The following RANBP17 variants were observed in gnomAD, a reference collection of about 807,000 sequenced individuals.
RANBP17 encodes ran-binding protein 17.
Under a neutral mutation model 141.2 loss-of-function variants are expected in RANBP17, and 158 were observed. The ratio of observed to expected loss-of-function variants is 1.12; its 90% confidence interval spans 0.98 to 1.28. The LOEUF is 1.28. RANBP17 is among the 50% of genes most tolerant of loss of function. The pLI, the probability that RANBP17 is intolerant of heterozygous loss-of-function variation, is 0.00. For synonymous variants in RANBP17, 430 were observed against 450.0 expected (o/e 0.96, Z 0.56); for missense variants, 1,438 against 1,290.7 (o/e 1.11, Z -1.75).
intron 14 of RANBP17, among the ~76,000 whole-genome samples, chr5:170,987,200 G>A (rs1170242602): frequency 6.6e-6 from 1 of 151,624 alleles, no homozygotes; most frequent in Non-Finnish European, 1.5e-5. Context: ...TAGGGGAAAG[G>A]CACCTGTGAC....
At chr5:171,070,486 C>A (rs1276263389) in intron 14 of RANBP17, among the ~76,000 whole-genome samples, 4 of 152,048 alleles carry the variant, frequency 2.6e-5, no homozygotes, top group African/African-American at 9.7e-5. Flanking sequence ...GATCAAAGAT[C>A]ATTTTGAGAA....
chr5:170,872,741 G>A (rs2127328692), intron 1 of RANBP17, among the ~76,000 whole-genome samples: 1 of 152,172 alleles, frequency 6.6e-6, no homozygotes, highest in East Asian at 1.9e-4. Flanking sequence ...TTTTCTTGAA[G>A]GCATTTTCTG....
chr5:171,066,738 G>A (rs940437740), intron 14 of RANBP17, among the ~76,000 whole-genome samples: 1 of 152,076 alleles, frequency 6.6e-6, no homozygotes, highest in East Asian at 1.9e-4. Context: ...TTTTTGAGGA[G>A]CCTCCATATT....
intron 18 of RANBP17, among the ~76,000 whole-genome samples, chr5:171,195,583 A>G (rs1761931359): frequency 6.6e-6 from 1 of 152,198 alleles, no homozygotes; most frequent in African/African-American, 2.4e-5. Context: ...CCTCACCAGA[A>G]CCAAGCTGGC....
chr5:171,046,225 A>G (rs767255385), intron 14 of RANBP17, among the ~76,000 whole-genome samples: 31 of 90,754 alleles, frequency 3.4e-4, no homozygotes, highest in Middle Eastern at 6.8e-3. Context: ...TTTTTTTTTG[A>G]GCTGGAGTCT....
At chr5:170,951,558 A>T (rs548859523) in intron 12 of RANBP17, among the ~76,000 whole-genome samples, 1 of 152,262 alleles carries the variant, frequency 6.6e-6, no homozygotes, top group African/African-American at 2.4e-5. Flanking sequence ...AATGAGACAT[A>T]AAGTAGCTTA....
intron 22 of RANBP17, among the ~76,000 whole-genome samples, chr5:171,232,722 A>G (rs1764278741): frequency 6.6e-6 from 1 of 152,146 alleles, no homozygotes; most frequent in African/African-American, 2.4e-5. Context: ...CCCAAAAGTG[A>G]TATCATAATA....
chr5:171,118,016 C>T (rs1171996334), intron 14 of RANBP17, among the ~76,000 whole-genome samples: 1 of 151,962 alleles, frequency 6.6e-6, no homozygotes, highest in Non-Finnish European at 1.5e-5. Context: ...GATATAATCC[C>T]ATTTATTTAC....
chr5:171,093,768 A>C lies in RANBP17; in HGVS notation c.1711-76362A>C, dbSNP rs561834553. Among the ~76,000 whole-genome samples the C allele has an allele frequency of 4.8e-4, 73 of 152,328 alleles. 1 individual carries two copies. In the South Asian group the frequency reaches 9.3e-3, roughly 19 times the overall value. ...GTAATCCTTTATCTGCATCAGTCTA[A>C]TTTAGTGCTTTGGGCAATAGAGTAA... is the stretch of plus-strand genomic sequence containing the variant. On this transcript the variant is annotated intron_variant, in intron 14 of 27. Coordinates refer to ENST00000523189, the MANE Select transcript of RANBP17 (RefSeq NM_022897.5).
chr5:171,004,184 T>A (rs1255942794), intron 14 of RANBP17, among the ~76,000 whole-genome samples: 1 of 151,952 alleles, frequency 6.6e-6, no homozygotes, highest in Non-Finnish European at 1.5e-5. Context: ...GGGATAGTAA[T>A]GGGCGTGTGA....
intron 14 of RANBP17, among the ~76,000 whole-genome samples, chr5:171,089,255 C>T (rs1422589280): frequency 8.8e-5 from 9 of 102,350 alleles, no homozygotes; most frequent in Non-Finnish European, 1.6e-4. Flanking sequence ...GGGGGGGCCT[C>T]CCAGTTAGGC....
chr5:170,881,766 T>C, intron 2 of RANBP17, 40 bp from the exon 3 acceptor site: 1 of 1,358,364 alleles, frequency 7.4e-7, no homozygotes, highest in Non-Finnish European at 1.0e-6. Flanking sequence ...TTTATTTTAA[T>C]TTCATTTATG....
At chr5:171,237,397 C>T (rs1294709090) in intron 22 of RANBP17, among the ~76,000 whole-genome samples, 2 of 152,176 alleles carry the variant, frequency 1.3e-5, no homozygotes, top group Admixed American at 1.3e-4. Context: ...ACAGCAAGTA[C>T]AAGAGTAAGA....
intron 11 of RANBP17, among the ~76,000 whole-genome samples, chr5:170,920,895 T>C (rs1377717395): frequency 6.6e-6 from 1 of 152,238 alleles, no homozygotes; most frequent in Non-Finnish European, 1.5e-5. Flanking sequence ...ATGTCTTCTT[T>C]TGAGAAGTAT....
At chr5:171,163,077 T>A (rs1759459303) in intron 14 of RANBP17, among the ~76,000 whole-genome samples, 1 of 152,248 alleles carries the variant, frequency 6.6e-6, no homozygotes, top group African/African-American at 2.4e-5. Flanking sequence ...ATGCTGTTCC[T>A]TATTCAACTG....
At chr5:171,017,913 C>A (rs1314422436) in intron 14 of RANBP17, among the ~76,000 whole-genome samples, 1 of 151,938 alleles carries the variant, frequency 6.6e-6, no homozygotes, top group Non-Finnish European at 1.5e-5. Context: ...TTTAATCCAT[C>A]TTGAGTTAAT....
intron 14 of RANBP17, among the ~76,000 whole-genome samples, chr5:171,024,078 A>G (rs562332127): frequency 6.6e-6 from 1 of 152,320 alleles, no homozygotes; most frequent in Non-Finnish European, 1.5e-5. Context: ...TAGATGCTAG[A>G]ATTATAAAAA....
intron 5 of RANBP17, among the ~76,000 whole-genome samples, chr5:170,898,561 T>G (rs1770338713): frequency 6.6e-6 from 1 of 152,252 alleles, no homozygotes; most frequent in Non-Finnish European, 1.5e-5. Flanking sequence ...TTGGCTTTTG[T>G]TGCCATTGCT....
Position 170,953,462 on chromosome 5 carries a change from T to C in RANBP17, c.1469-135T>C, listed in dbSNP as rs555898424. The C allele has an allele frequency of 7.8e-5, 47 of 603,442 alleles. No individual in the cohort carries two copies. In the African/African-American group the frequency reaches 7.9e-4, roughly 10 times the overall value. 37.4% of individuals were successfully genotyped at this position (603,442 alleles called of 1,614,324 possible). A position where few individuals can be genotyped will look rare whatever the true frequency, so the allele number is the denominator to read the frequency against. ...AAACTTAAAACCGATCTGCTTTCTA[T>C]CCAGAACTGAGTTCACAATAATTTA... On this transcript the variant is annotated intron_variant, in intron 12 of 27. Transcript: ENST00000523189.
Sources: gnomAD v4.1 joint callset for allele counts (sites outside exome capture counted in the v4.1 genomes callset) on GRCh38, gnomAD v4.1.1 for gene constraint, MANE v1.5 for transcripts, NCBI Gene and HGNC (gene_info 2026-07-23, HGNC 2026-07-21) for gene names.